Variants in KLHL13 observed in about 807,000 individuals in gnomAD.
The protein encoded by KLHL13 is kelch-like protein 13.
Under a neutral mutation model 37.1 loss-of-function variants are expected in KLHL13, and 10 were observed. The observed-to-expected ratio is 0.27, with a 90% confidence interval of 0.17 to 0.46. The LOEUF (loss-of-function observed/expected upper bound fraction) is 0.46, where lower values mean the gene tolerates loss of function less well. KLHL13 is among the 20% of genes least tolerant of loss of function. KLHL13 has a pLI of 1.00. For missense variants in KLHL13, 360 were observed against 509.3 expected, an observed-to-expected ratio of 0.71 and a Z score of 2.82; for synonymous variants, 163 against 181.2, an observed-to-expected ratio of 0.90 and a Z score of 0.81.
chrX:117,975,149 G>A (rs761221064), upstream of KLHL13, among the ~76,000 whole-genome samples: 1 of 108,706 alleles, frequency 9.2e-6, no homozygotes, highest in Non-Finnish European at 1.9e-5. Flanking sequence ...GGGGCAACTT[G>A]TTTGAAATCC....
At chrX:118,111,357 T>C (rs747621170) in intron 1 of KLHL13, among the ~76,000 whole-genome samples, 1 of 113,159 alleles carries the variant, frequency 8.8e-6, no homozygotes, top group East Asian at 2.8e-4. Flanking sequence ...AAATACCCTA[T>C]GTCAGTTTAA....
At chrX:117,968,189 A>G (rs1259281766) in intron 1 of KLHL13, among the ~76,000 whole-genome samples, 2 of 111,524 alleles carry the variant, frequency 1.8e-5, no homozygotes, top group South Asian at 7.5e-4. Flanking sequence ...ATAGCTCTAT[A>G]AGGCTGCATT....
intron 1 of KLHL13, among the ~76,000 whole-genome samples, chrX:117,981,104 T>C (rs1200126848): frequency 8.9e-6 from 1 of 112,275 alleles, no homozygotes; most frequent in Middle Eastern, 4.2e-3. Context: ...TGTATGGTCA[T>C]AGGTCTAAAT....
Position 118,071,850 on chromosome X carries a change from A to T in KLHL13, c.-56+44658T>A, listed in dbSNP as rs758185030. 4.5e-3 allele frequency among the ~76,000 whole-genome samples: 468 copies of T among 103,836 alleles called. 5 individuals are homozygous for T. The highest frequency in any genetic ancestry group is 0.015 in the African/African-American group (421 of 28,442). The allele number at this position is 103,836 out of a possible 115,157, so 90.2% of individuals were successfully genotyped here. A position where few individuals can be genotyped will look rare whatever the true frequency, so the allele number is the denominator to read the frequency against. On this transcript the variant is annotated intron_variant, in intron 1 of 6. Transcript: ENST00000371882. ...AAAGAGGATACAAACAAATGGAAGAACATTCCATGCTCATGGGTAGGAAGA... is the reference window on the plus strand; with the variant it reads ...AAAGAGGATACAAACAAATGGAAGATCATTCCATGCTCATGGGTAGGAAGA...
At chrX:118,097,074 G>A (rs1200077368) in intron 1 of KLHL13, among the ~76,000 whole-genome samples, 4 of 111,066 alleles carry the variant, frequency 3.6e-5, no homozygotes, top group African/African-American at 1.3e-4. Flanking sequence ...GGAAGTTCTG[G>A]CCAGGGCAAT....
intron 1 of KLHL13, among the ~76,000 whole-genome samples, chrX:118,037,225 C>T (rs1489700784): frequency 2.3e-5 from 2 of 88,467 alleles, no homozygotes; most frequent in Non-Finnish European, 4.4e-5. Context: ...ACCATTCGAC[C>T]CAGCCATCCC....
At chrX:117,935,458 C>T (rs1052503411) in intron 2 of KLHL13, among the ~76,000 whole-genome samples, 1 of 112,042 alleles carries the variant, frequency 8.9e-6, no homozygotes, top group Admixed American at 9.5e-5. Context: ...TTAATCCATT[C>T]TCACACTGCT....
intron 1 of KLHL13, among the ~76,000 whole-genome samples, chrX:118,018,242 T>G (rs540028923): frequency 1.8e-5 from 2 of 111,519 alleles, no homozygotes; most frequent in South Asian, 7.6e-4. Context: ...CCACCTACCT[T>G]ATTAATTTTT....
chrX:117,910,016 A>C, exon 5 of KLHL13: 2 of 1,207,430 alleles, frequency 1.7e-6, no homozygotes, highest in Non-Finnish European at 2.2e-6. Flanking sequence ...TCAAGACGAA[A>C]CTGTTAACGT....
chrX:117,987,946 G>A (rs144895075), intron 1 of KLHL13, among the ~76,000 whole-genome samples: 1 of 111,380 alleles, frequency 9.0e-6, no homozygotes, highest in Non-Finnish European at 1.9e-5. Flanking sequence ...TTCAAAAACA[G>A]GCAGTACTTG....
At chrX:117,942,119 A>G (rs914120032) in intron 2 of KLHL13, among the ~76,000 whole-genome samples, 1 of 111,675 alleles carries the variant, frequency 9.0e-6, no homozygotes, top group African/African-American at 3.3e-5. Flanking sequence ...CAGGTTGTTC[A>G]GTTTCCCTAT....
intron 1 of KLHL13, chrX:117,947,890 C>A (rs893262296): frequency 8.9e-6 from 1 of 111,802 alleles, no homozygotes; most frequent in African/African-American, 3.3e-5. Context: ...AAACCCCAAG[C>A]CACAATTATA....
intron 1 of KLHL13, among the ~76,000 whole-genome samples, chrX:118,104,116 G>C (rs1298765186): frequency 9.3e-6 from 1 of 107,059 alleles, no homozygotes; most frequent in Non-Finnish European, 1.9e-5. Flanking sequence ...CAGCTACTCA[G>C]GAGGTTGAGG....
At chrX:118,113,185 CTAAA>C (rs2055431456) in intron 1 of KLHL13, among the ~76,000 whole-genome samples, 2 of 111,865 alleles carry the variant, frequency 1.8e-5, no homozygotes, top group South Asian at 7.5e-4. Context: ...ATCCCCTTAC[CTAAA>C]CAGAGTAGAG....
At chrX:117,953,569 TA>T (rs1387337794) in intron 1 of KLHL13, among the ~76,000 whole-genome samples, 8 of 109,832 alleles carry the variant, frequency 7.3e-5, no homozygotes, top group Non-Finnish European at 1.3e-4. Flanking sequence ...TAAAATAAAA[TA>T]AAAAAATAAA....
At chrX:118,041,580 A>C (rs1184035703) in intron 1 of KLHL13, among the ~76,000 whole-genome samples, 2 of 111,677 alleles carry the variant, frequency 1.8e-5, no homozygotes, top group Non-Finnish European at 3.8e-5. Flanking sequence ...GGAAGAAGTT[A>C]AAGTGTAGAG....
chrX:117,919,751 G>A lies in KLHL13; in HGVS notation c.374-34C>T, dbSNP rs777768112. 3 of 1,032,182 alleles carry A rather than the reference G, an allele frequency of 2.9e-6. No individual in the cohort carries two copies. The East Asian group carries it at 9.1e-5, about 31-fold the overall frequency. 85.1% of individuals were successfully genotyped at this position (1,032,182 alleles called of 1,213,427 possible). A position where few individuals can be genotyped will look rare whatever the true frequency, so the allele number is the denominator to read the frequency against. ...AAAAGACATTCAATTAAATGAAGGT[G>A]GATAATTATGGTCAAACTCACTTCT... On this transcript the variant is annotated intron_variant, in intron 3 of 6. Coordinates refer to ENST00000262820, the Ensembl canonical transcript of KLHL13.
intron 1 of KLHL13, among the ~76,000 whole-genome samples, chrX:118,087,748 C>T (rs1454312226): frequency 2.7e-5 from 3 of 111,343 alleles, no homozygotes; most frequent in Non-Finnish European, 5.7e-5. Flanking sequence ...TTGCCCTTCC[C>T]ATCTGCTCCA....
chrX:118,107,997 G>T (rs1250127894), intron 1 of KLHL13, among the ~76,000 whole-genome samples: 1 of 111,988 alleles, frequency 8.9e-6, no homozygotes, highest in Admixed American at 9.5e-5. Context: ...AAGCTGTAGT[G>T]AGCCTTGACT....
Sources: gnomAD v4.1 joint callset for allele counts (sites outside exome capture counted in the v4.1 genomes callset) on GRCh38, gnomAD v4.1.1 for gene constraint, MANE v1.5 for transcripts, NCBI Gene and HGNC (gene_info 2026-07-23, HGNC 2026-07-21) for gene names.